The following ADH7 variants were observed in gnomAD, a reference collection of about 807,000 sequenced individuals.
ADH7 encodes alcohol dehydrogenase 7 (class IV), mu or sigma polypeptide, also known as all-trans-retinol dehydrogenase [NAD(+)] ADH7.
A neutral mutation model predicts 34.4 loss-of-function variants in ADH7; 41 were observed. That is an observed-to-expected ratio of 1.19 (90% CI 0.93 to 1.55). The LOEUF (loss-of-function observed/expected upper bound fraction) is 1.55, where lower values mean the gene tolerates loss of function less well. Ranked by LOEUF, ADH7 falls within the 40% of genes most tolerant of loss-of-function variation. The pLI, the probability that ADH7 is intolerant of heterozygous loss-of-function variation, is 0.00. For missense variants in ADH7, 540 were observed against 461.2 expected (o/e 1.17, Z -1.56); for synonymous variants, 180 against 160.9 (o/e 1.12, Z -0.90).
chr4:99,429,796 T>C (rs1721899326), intron 1 of ADH7, among the ~76,000 whole-genome samples, 163 bp from the exon 2 acceptor site: 1 of 152,176 alleles, frequency 6.6e-6, no homozygotes, highest in South Asian at 2.1e-4. Context: ...TCATCTTGTG[T>C]GTGCCTTTGC....
intron 1 of ADH7, chr4:99,432,601 G>C (rs1721960661): frequency 6.6e-6 from 1 of 152,114 alleles, no homozygotes; most frequent in South Asian, 2.1e-4. Context: ...TACCACATTT[G>C]ATAAATACAA....
chr4:99,415,295 T>A, intron 8 of ADH7, 183 bp downstream of exon 8: 1 of 666,576 alleles, frequency 1.5e-6, no homozygotes, highest in Non-Finnish European at 2.5e-6. Context: ...CGGGCAGTTT[T>A]TTTTTTTTAT....
chr4:99,412,878 C>A lies in ADH7; in HGVS notation c.*270G>T, dbSNP rs1368970238. ...AAAATCTCCATTTCAACATAGAAAT[C>A]CAAGTGTATGTTTTCTTAAAAGATA... On this transcript the variant is annotated 3_prime_UTR_variant, in exon 9 of 9. Transcript: ENST00000437033. The A allele has an allele frequency of 1.1e-5, 4 of 352,238 alleles. No homozygotes were observed. The highest frequency in any genetic ancestry group is 2.0e-5 in the Non-Finnish European group (4 of 196,552). The allele number at this position is 352,238 out of a possible 1,614,324, so 21.8% of individuals were successfully genotyped here. A position where few individuals can be genotyped will look rare whatever the true frequency, so the allele number is the denominator to read the frequency against.
chr4:99,418,172 C>T (rs532733548), intron 7 of ADH7, among the ~76,000 whole-genome samples: 2 of 152,246 alleles, frequency 1.3e-5, no homozygotes, highest in Non-Finnish European at 2.9e-5. Flanking sequence ...AAAAACTCCT[C>T]TTATAATTTG....
intron 5 of ADH7, 90 bp downstream of exon 5, chr4:99,427,680 GTTT>G: frequency 1.2e-6 from 1 of 804,352 alleles, no homozygotes; most frequent in East Asian, 3.6e-5. Flanking sequence ...TCTTTTAAAT[GTTT>G]TTTTTTTTTC....
chr4:99,415,638 C>G (rs1248664480), intron 7 of ADH7, 22 bp from the exon 8 acceptor site: 2 of 1,608,444 alleles, frequency 1.2e-6, no homozygotes, highest in African/African-American at 2.7e-5. Flanking sequence ...CACACATTTT[C>G]TCTTTAGACA....
chr4:99,422,322 C>CA (rs1332451661), intron 5 of ADH7, among the ~76,000 whole-genome samples: 1 of 152,160 alleles, frequency 6.6e-6, no homozygotes, highest in Non-Finnish European at 1.5e-5. Flanking sequence ...ATTATGCAGC[C>CA]ATAAAAAGAA....
chr4:99,430,461 C>A (rs939124282), intron 1 of ADH7, among the ~76,000 whole-genome samples: 3 of 152,130 alleles, frequency 2.0e-5, no homozygotes, highest in Non-Finnish European at 2.9e-5. Flanking sequence ...TTTCCACCTT[C>A]CTACCTCCCA....
chr4:99,427,653 C>A, intron 5 of ADH7, 120 bp downstream of exon 5: 1 of 654,624 alleles, frequency 1.5e-6, no homozygotes, highest in Non-Finnish European at 2.2e-6. Context: ...GCTTGGCAGC[C>A]TGAATATGCA....
At chr4:99,415,663 T>C in intron 7 of ADH7, 47 bp from the exon 8 acceptor site, 1 of 1,552,504 alleles carries the variant, frequency 6.4e-7, no homozygotes. Flanking sequence ...TAAATAATCC[T>C]TATCTTTTAT....
At position 99,415,463 on chromosome 4, in the gene ADH7, A is replaced by G. The variant is rs1378626051; in HGVS notation, c.1100+15T>C. The G allele has an allele frequency of 2.5e-6, 4 of 1,608,048 alleles. No individual in the cohort carries two copies. In the African/African-American group the frequency reaches 4.0e-5, roughly 16 times the overall value. ...CCTGTGGAGAAGAGACAAGATCATC[A>G]TAAGAAACAGTTACCTTTGTCCTGA... On this transcript the variant is annotated intron_variant, in intron 8 of 8. Coordinates refer to ENST00000437033, the MANE Select transcript of ADH7 (RefSeq NM_000673.7).
chr4:99,435,180 G>A (rs1154470), intron 1 of ADH7, 36 bp downstream of exon 1: 520,141 of 1,604,726 alleles, frequency 0.32, 87,217 homozygotes, highest in Admixed American at 0.43. Flanking sequence ...ACATCATTAG[G>A]TCATGATGAG....
chr4:99,430,288 G>A (rs1369029640), intron 1 of ADH7: 1 of 152,206 alleles, frequency 6.6e-6, no homozygotes, highest in Non-Finnish European at 1.5e-5. Flanking sequence ...GCAGGTTAAA[G>A]CTTGTCATCT....
chr4:99,416,875 A>G (rs1002503524), intron 7 of ADH7, among the ~76,000 whole-genome samples: 1 of 151,894 alleles, frequency 6.6e-6, no homozygotes, highest in African/African-American at 2.4e-5. Flanking sequence ...CTAGCCCCCA[A>G]TCTATTCCTT....
intron 7 of ADH7, among the ~76,000 whole-genome samples, chr4:99,417,017 T>G (rs555617789): frequency 1.6e-4 from 25 of 152,290 alleles, no homozygotes; most frequent in Admixed American, 2.6e-4. Context: ...ATCTTCAAAA[T>G]GTATCCAAGA....
chr4:99,435,111 A>G, intron 1 of ADH7, 105 bp downstream of exon 1: 3 of 1,553,092 alleles, frequency 1.9e-6, no homozygotes, highest in Non-Finnish European at 2.6e-6. Context: ...TCATTCCTCA[A>G]GGAATATCTC....
At chr4:99,413,609 T>C (rs1721456391) in intron 8 of ADH7, among the ~76,000 whole-genome samples, 2 of 152,206 alleles carry the variant, frequency 1.3e-5, no homozygotes, top group Admixed American at 6.5e-5. Context: ...AAATAGGTTT[T>C]AGTTCAATAA....
chr4:99,414,778 C>T (rs1287774776), intron 8 of ADH7, among the ~76,000 whole-genome samples: 1 of 152,122 alleles, frequency 6.6e-6, no homozygotes, highest in African/African-American at 2.4e-5. Flanking sequence ...GAATAATGCA[C>T]ATTTGAGAAA....
intron 7 of ADH7, among the ~76,000 whole-genome samples, chr4:99,416,220 C>A (rs1263793011): frequency 2.0e-5 from 3 of 152,126 alleles, no homozygotes; most frequent in Admixed American, 6.5e-5. Context: ...CACCCCATAT[C>A]TTTGCTTCTA....
Sources: gnomAD v4.1 joint callset for allele counts (sites outside exome capture counted in the v4.1 genomes callset) on GRCh38, gnomAD v4.1.1 for gene constraint, MANE v1.5 for transcripts, NCBI Gene and HGNC (gene_info 2026-07-23, HGNC 2026-07-21) for gene names.